The following TRPM2 variants were observed in gnomAD, a reference collection of about 807,000 sequenced individuals.
TRPM2 encodes the protein estrogen-responsive element-associated gene 1 protein.
TRPM2 carries 161 observed loss-of-function variants against 174.0 expected under a neutral mutation model. The observed-to-expected ratio is 0.93, with a 90% CI of 0.81 to 1.05. The LOEUF is 1.05. TRPM2 is among the 50% of genes least tolerant of loss of function. The pLI is 0.00. For missense variants in TRPM2, 2,057 were observed against 2,038.0 expected (o/e 1.01, Z -0.18); for synonymous variants, 954 against 861.3 (o/e 1.11, Z -1.88).
Position 44,399,171 on chromosome 21 carries a change from A to G in TRPM2, c.2063-125A>G, listed in dbSNP as rs970762806. ...CTGGGTGTTTTGAGACACCAGCCCC[A>G]CATTTGCCCTGTGCCCTTCCCTGTG... On this transcript the variant is annotated intron_variant, in intron 13 of 31. Coordinates refer to ENST00000397928, the MANE Select transcript of TRPM2 (RefSeq NM_003307.4). The surrounding 1 kb of genome is among the most constrained non-coding windows in gnomAD (Gnocchi z 4.6). 1.7e-5 allele frequency: 22 copies of G among 1,285,376 alleles called. No homozygotes were observed. In the Admixed American group the frequency reaches 5.6e-4, roughly 33 times the overall value. 79.6% of individuals were successfully genotyped at this position (1,285,376 alleles called of 1,614,324 possible).
rs199995128 is a variant in TRPM2, at chr21:44,413,907, G to A, written c.2979G>A (p.Pro993=). 82 of 1,612,558 alleles carry A rather than the reference G, an allele frequency of 5.1e-5. 1 individual carries two copies. In the East Asian group the frequency reaches 1.6e-3, roughly 31 times the overall value. ...PGYIDGVNFN[P]EHCSPNGTDP... ...CAACGCCAGGTGTGAACTTCAACCC[G>A]GAGCACTGCAGCCCCAATGGCACCG... The change falls in exon 20 of 32, where the codon CCG becomes CCA. Residue 993 remains proline, a synonymous_variant. Coordinates refer to ENST00000397928, the MANE Select transcript of TRPM2 (RefSeq NM_003307.4).
chr21:44,390,613 C>T (rs1366074392), intron 9 of TRPM2, among the ~76,000 whole-genome samples: 2 of 152,180 alleles, frequency 1.3e-5, no homozygotes, highest in African/African-American at 2.4e-5. Context: ...TTCTTGCTTA[C>T]TGCCCACCTG....
At chr21:44,428,508 G>A (rs112024086) in intron 27 of TRPM2, among the ~76,000 whole-genome samples, 1 of 143,518 alleles carries the variant, frequency 7.0e-6, no homozygotes, top group African/African-American at 2.7e-5. Context: ...CTGAGGTGTG[G>A]CTCCTCCCTG....
At chr21:44,375,218 C>A (rs1333199303) in intron 5 of TRPM2, among the ~76,000 whole-genome samples, 4 of 152,234 alleles carry the variant, frequency 2.6e-5, no homozygotes, top group African/African-American at 9.6e-5. Flanking sequence ...CTCCGCAAGG[C>A]CTTTAATACC....
intron 8 of TRPM2, 113 bp downstream of exon 8, chr21:44,379,310 G>T: frequency 7.8e-7 from 1 of 1,280,980 alleles, no homozygotes; most frequent in Non-Finnish European, 1.1e-6. Context: ...CACTGGGTCT[G>T]AGTGGGTGCC....
intron 22 of TRPM2, among the ~76,000 whole-genome samples, chr21:44,420,794 C>T (rs1020811524): frequency 6.6e-6 from 1 of 152,196 alleles, no homozygotes; most frequent in African/African-American, 2.4e-5. Context: ...AATATGATGG[C>T]TGGCATGTGT....
In TRPM2 at chr21:44,441,992, A is replaced by G; in HGVS notation, c.*175A>G. On this transcript the variant is annotated 3_prime_UTR_variant, in exon 32 of 32. Coordinates refer to ENST00000397928, the MANE Select transcript of TRPM2 (RefSeq NM_003307.4). ...AAGTCTGCTGCAGATGACCTCATGA[A>G]CTGGAAGGGGTCAAGGTGACCCGGG... 1.0e-6 allele frequency: 1 copy of G among 974,952 alleles called. No individual in the cohort carries two copies. The highest frequency in any genetic ancestry group is 3.0e-5 in the East Asian group (1 of 33,130). The allele number at this position is 974,952 out of a possible 1,614,324, so 60.4% of individuals were successfully genotyped here. A position where few individuals can be genotyped will look rare whatever the true frequency, so the allele number is the denominator to read the frequency against.
intron 5 of TRPM2, among the ~76,000 whole-genome samples, chr21:44,371,129 G>A (rs73374081): frequency 0.055 from 8,417 of 152,214 alleles, 723 homozygotes; most frequent in African/African-American, 0.18. Flanking sequence ...CTCCCTCTAG[G>A]GCCTAGGGGA....
At position 44,400,324 on chromosome 21, in the gene TRPM2, G is replaced by C; in HGVS notation, c.2274G>C (p.Leu758=). The C allele has an allele frequency of 6.2e-7, 1 of 1,612,826 alleles. No individual in the cohort carries two copies. Among genetic ancestry groups the C allele is most frequent in the Non-Finnish European group, 8.5e-7 (1 of 1,179,904 alleles). Residue 758 remains leucine (L), a synonymous_variant, in exon 15 of 32, where the codon CTG becomes CTC. Transcript: ENST00000397928. ...ACAATGGGCTGTGGCGTGTGACCCT[G>C]TGCATGCTGGCCTTCCCGCTGCTCC... ...SVDNGLWRVT[L]CMLAFPLLLT... is the part of the protein sequence containing the mutation.
rs148634240 is a variant in TRPM2 at position 44,363,038 on chromosome 21, C to T, written c.255-1076C>T. 1.2e-3 allele frequency among the ~76,000 whole-genome samples: 182 copies of T among 152,348 alleles called. 2 individuals are homozygous for T. The highest frequency in any genetic ancestry group is 4.1e-3 in the African/African-American group (172 of 41,560). On this transcript the variant is annotated intron_variant, in intron 2 of 31. Coordinates refer to ENST00000397928, the MANE Select transcript of TRPM2 (RefSeq NM_003307.4). Reference sequence around the variant, plus strand: ...CCACCTGCCTCAGCTTCCCAAAGGGCTGGGATTATAGGCGTGAGCCACTGC... The same window carrying T: ...CCACCTGCCTCAGCTTCCCAAAGGGTTGGGATTATAGGCGTGAGCCACTGC...
At chr21:44,401,987 C>T in intron 16 of TRPM2, 90 bp downstream of exon 16, 6 of 1,427,768 alleles carry the variant, frequency 4.2e-6, no homozygotes, top group South Asian at 2.3e-5. Context: ...GAGCCCACCC[C>T]ATCTAGCCTG....
At chr21:44,356,531 ATTT>A (rs143434691) in intron 2 of TRPM2, among the ~76,000 whole-genome samples, 3,790 of 137,584 alleles carry the variant, frequency 0.028, 55 homozygotes, top group Middle Eastern at 0.044. Context: ...CTGCTTGGCT[ATTT>A]TTTTTTTTTT....
intron 3 of TRPM2, among the ~76,000 whole-genome samples, chr21:44,365,883 G>A (rs961131397): frequency 6.6e-6 from 1 of 152,228 alleles, no homozygotes. Context: ...TGGTGGACCC[G>A]GTGGGACCCA....
At chr21:44,426,872 G>A in intron 26 of TRPM2, 136 bp downstream of exon 26, 3 of 1,345,360 alleles carry the variant, frequency 2.2e-6, no homozygotes, top group Non-Finnish European at 3.1e-6. Context: ...GGCCTGAAGG[G>A]GCCCAGCTCC....
chr21:44,350,892 C>A (rs1206096532), upstream of TRPM2, among the ~76,000 whole-genome samples: 1 of 152,068 alleles, frequency 6.6e-6, no homozygotes. Flanking sequence ...CCTGCCCGTC[C>A]GCCGGGACAG....
At chr21:44,361,814 T>A (rs1189217418) in intron 2 of TRPM2, among the ~76,000 whole-genome samples, 1 of 152,160 alleles carries the variant, frequency 6.6e-6, no homozygotes, top group Non-Finnish European at 1.5e-5. Context: ...GCTCAGGTGA[T>A]CCTCCCACCT....
intron 11 of TRPM2, among the ~76,000 whole-genome samples, chr21:44,394,715 A>G (rs1377293676): frequency 2.6e-5 from 4 of 152,192 alleles, no homozygotes; most frequent in Non-Finnish European, 5.9e-5. Flanking sequence ...GAAGGTCCAA[A>G]GCAGAAGCTC....
At chr21:44,395,321 G>T in intron 11 of TRPM2, 93 bp from the exon 12 acceptor site, 2 of 1,485,768 alleles carry the variant, frequency 1.3e-6, no homozygotes, top group Non-Finnish European at 9.0e-7. Flanking sequence ...AGAAGGTCGG[G>T]GCTGGGGTCA....
At chr21:44,353,447 G>A (rs1409195321), upstream of TRPM2, 2 of 397,256 alleles carry the variant, frequency 5.0e-6, no homozygotes, top group Admixed American at 4.9e-5. Flanking sequence ...CTCCCCCAGA[G>A]TGTCCGGGGG....
Sources: allele counts gnomAD v4.1 joint callset (sites outside exome capture counted in the v4.1 genomes callset), GRCh38; gene constraint gnomAD v4.1.1; non-coding constraint Gnocchi (gnomAD v3.1); transcripts MANE v1.5; gene names NCBI Gene and HGNC (gene_info 2026-07-23, HGNC 2026-07-21).